Variants in TTC28 observed in about 807,000 individuals in gnomAD.
TTC28 encodes the protein tetratricopeptide repeat domain 28, also known as tetratricopeptide repeat protein 28.
TTC28 carries 61 observed loss-of-function variants against 198.0 expected under a neutral mutation model. The observed-to-expected ratio is 0.31, with a 90% confidence interval of 0.25 to 0.38. TTC28 has a LOEUF of 0.38. Among genes scored for constraint, TTC28 ranks in the 10% least tolerant of loss-of-function variants. The probability of loss-of-function intolerance (pLI) is 1.00; values close to 1 mark genes in which losing one functional copy is unlikely to be tolerated. For missense variants in TTC28, 2,678 were observed against 3,164.0 expected, an observed-to-expected ratio of 0.85 and a Z score of 3.69; for synonymous variants, 1,171 against 1,297.8, an observed-to-expected ratio of 0.90 and a Z score of 2.10.
chr22:28,588,227 G>C (rs967864911), intron 2 of TTC28, among the ~76,000 whole-genome samples: 3 of 151,796 alleles, frequency 2.0e-5, no homozygotes, highest in African/African-American at 7.2e-5. Context: ...TATATATAAA[G>C]CTGTAAACTT....
At chr22:28,490,682 G>C (rs1479377849) in intron 2 of TTC28, among the ~76,000 whole-genome samples, 1 of 152,162 alleles carries the variant, frequency 6.6e-6, no homozygotes, top group Non-Finnish European at 1.5e-5. Flanking sequence ...GACTTTAATA[G>C]AGGACCACAA....
intron 2 of TTC28, among the ~76,000 whole-genome samples, chr22:28,544,663 G>T (rs966819081): frequency 6.6e-6 from 1 of 152,154 alleles, no homozygotes; most frequent in Non-Finnish European, 1.5e-5. Flanking sequence ...GATAAAACAG[G>T]ATGTGATAAA....
chr22:28,358,072 A>C (rs1432451229), intron 2 of TTC28, among the ~76,000 whole-genome samples: 1 of 152,158 alleles, frequency 6.6e-6, no homozygotes, highest in Non-Finnish European at 1.5e-5. Context: ...TTGTTGCTAA[A>C]CTTCTTCATG....
In TTC28 at chr22:27,981,214, C is replaced by T. The variant is rs5752675; in HGVS notation, c.*1007G>A. The stretch of plus-strand genomic sequence containing the variant: ...CTGGAAGGCGGGATTCTGGTTAAAT[C>T]TAGTTAGCCATGGAAATTTTTTTTT... On this transcript the variant is annotated 3_prime_UTR_variant, in exon 23 of 23. Coordinates refer to ENST00000397906, the MANE Select transcript of TTC28 (RefSeq NM_001145418.2). The T allele has an allele frequency of 2.0e-5, 2 of 99,486 alleles. No individual in the cohort carries two copies. The highest frequency in any genetic ancestry group is 1.5e-4 in the Admixed American group (1 of 6,856). 6.2% of individuals were successfully genotyped at this position (99,486 alleles called of 1,614,324 possible).
intron 12 of TTC28, among the ~76,000 whole-genome samples, chr22:28,037,209 A>G (rs1939396171): frequency 6.6e-6 from 1 of 152,184 alleles, no homozygotes; most frequent in Non-Finnish European, 1.5e-5. Context: ...GCAGAGACAC[A>G]ACAAAAAAAG....
At chr22:28,009,476 G>A (rs1476464791) in intron 14 of TTC28, among the ~76,000 whole-genome samples, 1 of 152,250 alleles carries the variant, frequency 6.6e-6, no homozygotes, top group Admixed American at 6.5e-5. Flanking sequence ...GACAGCGGCA[G>A]CTCTGGAGCC....
intron 5 of TTC28, among the ~76,000 whole-genome samples, chr22:28,198,458 C>T (rs1189248430): frequency 6.6e-6 from 1 of 151,948 alleles, no homozygotes; most frequent in African/African-American, 2.4e-5. Flanking sequence ...ATGTTAAATG[C>T]TCACTAATAG....
At chr22:28,590,052 A>C (rs1005252092) in intron 2 of TTC28, among the ~76,000 whole-genome samples, 32 of 148,476 alleles carry the variant, frequency 2.2e-4, no homozygotes, top group Non-Finnish European at 3.3e-4. Context: ...AAAAAAAAAA[A>C]AAAAAAAAAA....
intron 2 of TTC28, among the ~76,000 whole-genome samples, chr22:28,536,107 G>C (rs2049268368): frequency 6.7e-6 from 1 of 149,256 alleles, no homozygotes; most frequent in South Asian, 2.1e-4. Context: ...GCTGAGGCAG[G>C]AGAATGGCGG....
intron 6 of TTC28, among the ~76,000 whole-genome samples, chr22:28,144,678 C>T (rs1943422087): frequency 6.6e-6 from 1 of 152,206 alleles, no homozygotes; most frequent in Non-Finnish European, 1.5e-5. Flanking sequence ...CACTACTTGT[C>T]AATTTACGTG....
At chr22:28,050,573 C>T (rs931714033) in intron 12 of TTC28, among the ~76,000 whole-genome samples, 22 of 152,158 alleles carry the variant, frequency 1.4e-4, no homozygotes, top group Non-Finnish European at 2.9e-4. Context: ...GTTTGAGATG[C>T]ACGATGGCAG....
chr22:28,147,048 C>G (rs1171810544), intron 6 of TTC28, among the ~76,000 whole-genome samples: 2 of 152,158 alleles, frequency 1.3e-5, no homozygotes, highest in Non-Finnish European at 2.9e-5. Context: ...AGCCTGTATT[C>G]AGGAGCTAAC....
Position 28,030,234 on chromosome 22 carries a change from C to T in TTC28, c.4065G>A (p.Leu1355=), listed in dbSNP as rs997849519. 6.4e-7 allele frequency: 1 copy of T among 1,551,718 alleles called. No individual in the cohort carries two copies. Among genetic ancestry groups the T allele is most frequent in the Non-Finnish European group, 8.7e-7 (1 of 1,146,992 alleles). ...AAGCGCCCCACACTCACCTGTTAAA[C>T]AGGTTATTGCGGCGAACCATCCGCA... ...GFLRMVRRNN[L]FNRSCQSMTS... is the part of the protein sequence containing the mutation. Residue 1355 remains leucine (L), a synonymous_variant, in exon 13 of 23, where the codon CTG becomes CTA. Transcript: ENST00000397906.
intron 6 of TTC28, among the ~76,000 whole-genome samples, chr22:28,146,012 G>C (rs905594422): frequency 6.6e-6 from 1 of 152,170 alleles, no homozygotes; most frequent in African/African-American, 2.4e-5. Flanking sequence ...AGGATCTAAA[G>C]CCAGGCCATC....
At chr22:28,606,186 C>T (rs574737846) in intron 2 of TTC28, among the ~76,000 whole-genome samples, 2 of 151,638 alleles carry the variant, frequency 1.3e-5, no homozygotes, top group African/African-American at 2.4e-5. Flanking sequence ...TGGGTTCAAG[C>T]GATTCTCCTG....
At chr22:28,122,158 G>A (rs1238724599) in intron 6 of TTC28, among the ~76,000 whole-genome samples, 1 of 152,122 alleles carries the variant, frequency 6.6e-6, no homozygotes, top group African/African-American at 2.4e-5. Context: ...GTGAACCACC[G>A]CGCTCAGCCT....
At chr22:28,023,208 C>T (rs1311154792) in intron 13 of TTC28, among the ~76,000 whole-genome samples, 2 of 152,264 alleles carry the variant, frequency 1.3e-5, no homozygotes, top group Non-Finnish European at 1.5e-5. Flanking sequence ...AGAGGGTCTG[C>T]ACCTGCCCTC....
intron 2 of TTC28, among the ~76,000 whole-genome samples, chr22:28,418,001 G>A (rs1308944291): frequency 6.6e-6 from 1 of 152,210 alleles, no homozygotes; most frequent in Non-Finnish European, 1.5e-5. Context: ...TTGTCTGACT[G>A]TAACTAAGAA....
At chr22:28,676,122 A>G (rs974365212) in intron 1 of TTC28, among the ~76,000 whole-genome samples, 4 of 152,212 alleles carry the variant, frequency 2.6e-5, no homozygotes, top group Admixed American at 2.0e-4. Context: ...TCACGTGCCT[A>G]TCAACAGAGG....
Sources: gnomAD v4.1 joint callset for allele counts (sites outside exome capture counted in the v4.1 genomes callset) on GRCh38, gnomAD v4.1.1 for gene constraint, MANE v1.5 for transcripts, NCBI Gene and HGNC (gene_info 2026-07-23, HGNC 2026-07-21) for gene names.